The following CDH23 variants were observed in gnomAD, a reference collection of about 807,000 sequenced individuals.
The protein encoded by CDH23 is cadherin related 23.
CDH23 carries 189 observed loss-of-function variants against 317.1 expected under a neutral mutation model. That is an observed-to-expected ratio of 0.60 (90% CI 0.53 to 0.67). The LOEUF (loss-of-function observed/expected upper bound fraction) is 0.67. CDH23 is among the 30% of genes least tolerant of loss of function. The pLI, the probability that CDH23 is intolerant of heterozygous loss-of-function variation, is 0.00. For missense variants in CDH23, 4,401 were observed against 4,592.4 expected (o/e 0.96, Z 1.20); for synonymous variants, 1,839 against 1,876.8 (o/e 0.98, Z 0.52).
intron 3 of CDH23, chr10:71,508,235 A>G (rs943906966): frequency 1.3e-5 from 2 of 152,218 alleles, no homozygotes; most frequent in Admixed American, 6.5e-5. Flanking sequence ...TGAATGTCCA[A>G]TGTCTTCCTT....
chr10:71,607,211 C>G (rs1217201815), intron 9 of CDH23, among the ~76,000 whole-genome samples: 1 of 152,238 alleles, frequency 6.6e-6, no homozygotes, highest in African/African-American at 2.4e-5. Context: ...CCAGCCTGCC[C>G]CAGGGGCGGG....
At chr10:71,710,550 G>A (rs1363811741) in intron 27 of CDH23, among the ~76,000 whole-genome samples, 1 of 152,232 alleles carries the variant, frequency 6.6e-6, no homozygotes, top group Non-Finnish European at 1.5e-5. Flanking sequence ...GGGAGCTGGG[G>A]GCAGTCCCAC....
At chr10:71,518,627 G>C (rs1280369162) in intron 6 of CDH23, among the ~76,000 whole-genome samples, 3 of 152,220 alleles carry the variant, frequency 2.0e-5, no homozygotes, top group Non-Finnish European at 4.4e-5. Context: ...CGTGATTTCG[G>C]TCATCAGCTG....
chr10:71,513,861 C>T (rs1188872448), intron 6 of CDH23, among the ~76,000 whole-genome samples: 1 of 152,044 alleles, frequency 6.6e-6, no homozygotes, highest in Non-Finnish European at 1.5e-5. Context: ...TGCAGGATGG[C>T]GGAGAAGCTC....
chr10:71,613,452 G>A (rs968672233), intron 9 of CDH23, among the ~76,000 whole-genome samples: 2 of 152,184 alleles, frequency 1.3e-5, no homozygotes, highest in Non-Finnish European at 1.5e-5. Context: ...GGCATAGACT[G>A]ATAGACTGAG....
In CDH23 at chr10:71,422,617, T is replaced by C. The variant is rs529728326; in HGVS notation, c.-5-17210T>C. On this transcript the variant is annotated intron_variant, in intron 1 of 69. Coordinates refer to ENST00000224721, the MANE Select transcript of CDH23 (RefSeq NM_022124.6). ...TCTGTCACTGGTTTTTAGCGTTCCT[T>C]GTATAAGGAAGAAAAATTGTTGAGG... 5.2e-4 allele frequency among the ~76,000 whole-genome samples: 79 copies of C among 152,280 alleles called. 1 individual carries two copies. The highest frequency in any genetic ancestry group is 1.9e-3 in the African/African-American group (77 of 41,538).
At chr10:71,507,963 T>A (rs940068833) in intron 3 of CDH23, among the ~76,000 whole-genome samples, 1 of 152,188 alleles carries the variant, frequency 6.6e-6, no homozygotes, top group Non-Finnish European at 1.5e-5. Flanking sequence ...CTTTTCCAAC[T>A]CCGAAATGGG....
chr10:71,475,358 A>G (rs1429840648), intron 3 of CDH23, among the ~76,000 whole-genome samples: 2 of 151,354 alleles, frequency 1.3e-5, no homozygotes, highest in Non-Finnish European at 2.9e-5. Flanking sequence ...ATGGTCTTAG[A>G]CTCTCTGGTT....
At chr10:71,449,950 A>C (rs1424327179) in intron 3 of CDH23, among the ~76,000 whole-genome samples, 1 of 152,258 alleles carries the variant, frequency 6.6e-6, no homozygotes, top group African/African-American at 2.4e-5. Context: ...TACCAGCCGG[A>C]GAAGACAGAA....
Position 71,811,452 on chromosome 10 carries a change from C to G in CDH23, c.9198+17C>G, listed in dbSNP as rs1446368680. 1.9e-6 allele frequency: 3 copies of G among 1,613,876 alleles called. No individual in the cohort carries two copies. In the African/African-American group the frequency reaches 4.0e-5, roughly 22 times the overall value. On this transcript the variant is annotated intron_variant, in intron 63 of 69. Transcript: ENST00000224721. ...GCCCTGCAGGTACCCGGCGACCGTG[C>G]CCCACAGCCCTAGCCGCCCTCCCCA...
At chr10:71,594,075 T>C (rs1403993225) in intron 9 of CDH23, among the ~76,000 whole-genome samples, 1 of 152,146 alleles carries the variant, frequency 6.6e-6, no homozygotes, top group Middle Eastern at 3.2e-3. Flanking sequence ...GCCTGGGCGA[T>C]AGAGTGAAAC....
intron 11 of CDH23, among the ~76,000 whole-genome samples, chr10:71,632,123 T>C (rs942347663): frequency 5.3e-5 from 8 of 152,112 alleles, no homozygotes; most frequent in African/African-American, 1.9e-4. Flanking sequence ...AAGTCAACTT[T>C]ACAACATGTT....
intron 9 of CDH23, among the ~76,000 whole-genome samples, chr10:71,588,518 A>G (rs2132436649): frequency 6.6e-6 from 1 of 152,240 alleles, no homozygotes; most frequent in South Asian, 2.1e-4. Context: ...TATTATTATT[A>G]TTAGCATTAA....
intron 19 of CDH23, among the ~76,000 whole-genome samples, chr10:71,689,464 A>T (rs1865104091): frequency 6.6e-6 from 1 of 152,072 alleles, no homozygotes; most frequent in East Asian, 1.9e-4. Flanking sequence ...TATGGCACTT[A>T]ATTCTCTTCA....
chr10:71,599,814 C>A (rs1298111986), intron 9 of CDH23, among the ~76,000 whole-genome samples: 1 of 152,132 alleles, frequency 6.6e-6, no homozygotes, highest in East Asian at 1.9e-4. Context: ...GACCAAGTTA[C>A]TTCTCATCTC....
intron 7 of CDH23, among the ~76,000 whole-genome samples, chr10:71,569,998 T>C (rs988940731): frequency 1.3e-5 from 2 of 152,080 alleles, no homozygotes; most frequent in Non-Finnish European, 2.9e-5. Context: ...ACTCCTGGGC[T>C]CAAGTGATTG....
chr10:71,629,748 C>T (rs892617461), intron 11 of CDH23, among the ~76,000 whole-genome samples: 1 of 152,132 alleles, frequency 6.6e-6, no homozygotes, highest in Non-Finnish European at 1.5e-5. Context: ...GATGATTTCA[C>T]GTGTGGGAAA....
At position 71,777,955 on chromosome 10, in the gene CDH23, G is replaced by A. The variant is rs957089280; in HGVS notation, c.5067+54G>A. 4.3e-5 allele frequency: 69 copies of A among 1,588,416 alleles called. No individual in the cohort carries two copies. In the African/African-American group the frequency reaches 7.8e-4, roughly 18 times the overall value. ...AGGGGCGAAACCTATCCAGGGATTG[G>A]CAAGGAGTTCAGTGACACTGGAGGG... is the stretch of plus-strand genomic sequence containing the variant. On this transcript the variant is annotated intron_variant, in intron 39 of 69. Coordinates refer to ENST00000224721, the MANE Select transcript of CDH23 (RefSeq NM_022124.6).
At chr10:71,509,152 C>T (rs1177030796) in intron 3 of CDH23, among the ~76,000 whole-genome samples, 1 of 152,204 alleles carries the variant, frequency 6.6e-6, no homozygotes, top group Non-Finnish European at 1.5e-5. Flanking sequence ...ACCTTGTCAC[C>T]CAGTTCTAGA....
Sources: gnomAD v4.1 joint callset for allele counts (sites outside exome capture counted in the v4.1 genomes callset) on GRCh38, gnomAD v4.1.1 for gene constraint, MANE v1.5 for transcripts, NCBI Gene and HGNC (gene_info 2026-07-23, HGNC 2026-07-21) for gene names.